HMCES: variants seen among roughly 807,000 people sequenced by gnomAD.
The protein encoded by HMCES is 5-hydroxymethylcytosine binding, ES cell specific, also known as abasic site processing protein HMCES.
In HMCES, 27 loss-of-function variants were observed where a neutral mutation model predicts 35.1. The ratio of observed to expected loss-of-function variants is 0.77; its 90% CI spans 0.57 to 1.06. HMCES has a LOEUF of 1.06. Ranked by LOEUF, HMCES falls within the 50% of genes least tolerant of loss-of-function variation. The pLI is 0.00. For synonymous variants in HMCES, 130 were observed against 154.7 expected (o/e 0.84, Z 1.18); for missense variants, 391 against 430.4 (o/e 0.91, Z 0.81).
intron 5 of HMCES, among the ~76,000 whole-genome samples, chr3:129,301,333 C>T (rs1312113893): frequency 6.6e-6 from 1 of 151,540 alleles, no homozygotes; most frequent in Admixed American, 6.6e-5. Context: ...TTATACATTA[C>T]AGTATTTAAC....
At position 129,279,624 on chromosome 3, in the gene HMCES, G is replaced by A; in HGVS notation, c.-23-86G>A. The A allele has an allele frequency of 7.5e-7, 1 of 1,340,596 alleles. No individual in the cohort carries two copies. The highest frequency in any genetic ancestry group is 2.4e-4 in the Middle Eastern group (1 of 4,196). 83.0% of individuals were successfully genotyped at this position (1,340,596 alleles called of 1,614,324 possible). Reference sequence around the variant, plus strand: ...GTCACGGAGGGGCACGGCCCTGTGGGAACGGAAAGAGAAGGCGGGGACTCA... The same window carrying A: ...GTCACGGAGGGGCACGGCCCTGTGGAAACGGAAAGAGAAGGCGGGGACTCA... On this transcript the variant is annotated intron_variant, in intron 1 of 6. Transcript: ENST00000383463. This position sits in a 1 kb window ranked among gnomAD's most constrained non-coding sequence, Gnocchi z 4.2.
chr3:129,293,098 A>G (rs1293288936), intron 4 of HMCES, among the ~76,000 whole-genome samples: 1 of 152,244 alleles, frequency 6.6e-6, no homozygotes, highest in African/African-American at 2.4e-5. Flanking sequence ...GTTCCAACCA[A>G]TTCAGCCAGT....
intron 5 of HMCES, among the ~76,000 whole-genome samples, chr3:129,301,219 A>AACAC (rs1553801668): frequency 3.4e-5 from 5 of 147,814 alleles, no homozygotes; most frequent in African/African-American, 1.0e-4. Flanking sequence ...AGAAAAAAAA[A>AACAC]AAAATATGCT....
rs746265653 is a variant in HMCES, at chr3:129,298,530, C to T, written c.630C>T (p.His210=). ...CCTGCAAAGGCTTGAGTGACATCCA[C>T]CACAGGCAAGTCATACTTCTTAGCC... ...VDSCKGLSDI[H]HRMPAILDGE... The change falls in exon 5 of 7, where the codon CAC becomes CAT. Residue 210 remains histidine (H), a synonymous_variant. Transcript: ENST00000383463. 1 of 1,612,982 alleles carries T rather than the reference C, an allele frequency of 6.2e-7. No individual in the cohort carries two copies. Among genetic ancestry groups the T allele is most frequent in the Non-Finnish European group, 8.5e-7 (1 of 1,179,142 alleles).
chr3:129,280,812 T>G (rs140412812), intron 2 of HMCES, among the ~76,000 whole-genome samples: 65 of 152,342 alleles, frequency 4.3e-4, no homozygotes, highest in East Asian at 2.9e-3. Context: ...GTTTTTTGCC[T>G]TATCTCCTGA....
chr3:129,298,359 T>C lies in HMCES; in HGVS notation c.459T>C (p.Gly153=), dbSNP rs752661792. 1.9e-6 allele frequency: 3 copies of C among 1,614,180 alleles called. No homozygotes were observed. In the South Asian group the frequency reaches 3.3e-5, roughly 18 times the overall value. ...YFPQIKTEKS[G]SIGAADSPEN... is the part of the protein sequence containing the mutation. ...CCCATATATTTTGCTTCCAGTCAGG[T>C]AGCATTGGTGCTGCAGATAGTCCTG... is the stretch of plus-strand genomic sequence containing the variant. The change falls in exon 5 of 7, where the codon GGT becomes GGC. Residue 153 remains glycine (G), a synonymous_variant. Transcript: ENST00000383463.
intron 4 of HMCES, among the ~76,000 whole-genome samples, chr3:129,293,885 C>T (rs1376170421): frequency 2.6e-5 from 4 of 152,034 alleles, no homozygotes; most frequent in Non-Finnish European, 5.9e-5. Context: ...TTAATTTTTA[C>T]ACTACAGATA....
chr3:129,294,079 A>C (rs1279126686), intron 4 of HMCES, among the ~76,000 whole-genome samples: 1 of 152,092 alleles, frequency 6.6e-6, no homozygotes, highest in South Asian at 2.1e-4. Context: ...AATCTTTTAT[A>C]ATTGCATTTC....
At chr3:129,293,714 C>T (rs570545562) in intron 4 of HMCES, among the ~76,000 whole-genome samples, 1 of 151,762 alleles carries the variant, frequency 6.6e-6, no homozygotes, top group East Asian at 1.9e-4. Flanking sequence ...ATTACAGGTG[C>T]GTGCCACCAT....
intron 6 of HMCES, among the ~76,000 whole-genome samples, chr3:129,302,493 T>C (rs1315633705): frequency 6.6e-6 from 1 of 151,860 alleles, no homozygotes; most frequent in Admixed American, 6.6e-5. Flanking sequence ...GGCAAGTGGA[T>C]CACGAGGTCA....
chr3:129,292,382 C>T (rs746338831), intron 4 of HMCES, among the ~76,000 whole-genome samples: 1 of 151,178 alleles, frequency 6.6e-6, no homozygotes, highest in Non-Finnish European at 1.5e-5. Context: ...AGCTACTTGG[C>T]AGGCTGAGGT....
At chr3:129,290,926 A>C in intron 4 of HMCES, 122 bp downstream of exon 4, 1 of 956,700 alleles carries the variant, frequency 1.0e-6, no homozygotes, top group Non-Finnish European at 1.5e-6. Flanking sequence ...GCTTTGGCCC[A>C]GTGCGGTGGC....
chr3:129,282,915 A>G (rs1027261720), intron 2 of HMCES, among the ~76,000 whole-genome samples: 2 of 152,164 alleles, frequency 1.3e-5, no homozygotes, highest in Non-Finnish European at 2.9e-5. Flanking sequence ...TCATTCTCAC[A>G]TTTGGATTTG....
intron 2 of HMCES, among the ~76,000 whole-genome samples, chr3:129,284,221 G>A (rs1021253800): frequency 6.6e-6 from 1 of 152,150 alleles, no homozygotes; most frequent in African/African-American, 2.4e-5. Context: ...TTTGCAGCCA[G>A]TTTAGTGCCA....
At chr3:129,289,722 T>C (rs1473705107) in intron 3 of HMCES, among the ~76,000 whole-genome samples, 1 of 151,940 alleles carries the variant, frequency 6.6e-6, no homozygotes, top group Non-Finnish European at 1.5e-5. Flanking sequence ...CCAAATTCAG[T>C]GTGGGAGGTG....
intron 2 of HMCES, among the ~76,000 whole-genome samples, chr3:129,286,123 C>A (rs936552145): frequency 6.6e-6 from 1 of 152,236 alleles, no homozygotes; most frequent in African/African-American, 2.4e-5. Context: ...CAGACCAAAT[C>A]TGGCCTACTG....
intron 4 of HMCES, among the ~76,000 whole-genome samples, chr3:129,296,047 T>G (rs1244519556): frequency 1.3e-5 from 2 of 152,146 alleles, no homozygotes; most frequent in African/African-American, 4.8e-5. Flanking sequence ...TCAGTTTAGA[T>G]ACTTTTCACT....
intron 4 of HMCES, among the ~76,000 whole-genome samples, chr3:129,294,965 G>A (rs143804028): frequency 6.6e-6 from 1 of 151,942 alleles, no homozygotes. Flanking sequence ...AGACCATCTT[G>A]GCTAACACGG....
intron 3 of HMCES, among the ~76,000 whole-genome samples, chr3:129,289,491 T>C (rs1471342040): frequency 6.6e-6 from 1 of 152,208 alleles, no homozygotes; most frequent in Non-Finnish European, 1.5e-5. Context: ...CACTTAATCT[T>C]GGCAGTCATA....
Sources: allele counts gnomAD v4.1 joint callset (sites outside exome capture counted in the v4.1 genomes callset), GRCh38; gene constraint gnomAD v4.1.1; non-coding constraint Gnocchi (gnomAD v3.1); transcripts MANE v1.5; gene names NCBI Gene and HGNC (gene_info 2026-07-23, HGNC 2026-07-21).